Variants in ENDOD1 observed in about 807,000 individuals in gnomAD.
ENDOD1 encodes the protein endonuclease domain containing 1.
Under a neutral mutation model 6.5 loss-of-function variants are expected in ENDOD1, and 9 were observed. That is an observed-to-expected ratio of 1.39 (90% CI 0.84 to 2.43). The LOEUF is 2.43. Among genes scored for constraint, ENDOD1 ranks in the 30% most tolerant of loss-of-function variants. ENDOD1 has a pLI of 0.00. For synonymous variants in ENDOD1, 255 were observed against 255.2 expected (o/e 1.00, Z 0.01); for missense variants, 648 against 635.5 (o/e 1.02, Z -0.21).
intron 1 of ENDOD1, among the ~76,000 whole-genome samples, chr11:95,109,327 C>G (rs184000051): frequency 6.6e-6 from 1 of 152,180 alleles, no homozygotes; most frequent in Non-Finnish European, 1.5e-5. Context: ...TCAGGACCAC[C>G]TTTTCCTTGC....
chr11:95,092,699 A>G (rs571843708), intron 1 of ENDOD1, among the ~76,000 whole-genome samples: 3 of 152,210 alleles, frequency 2.0e-5, no homozygotes, highest in Non-Finnish European at 4.4e-5. Context: ...GAGTATTGGG[A>G]GAGAGGGAGG....
chr11:95,109,647 T>TTG (rs1859127310), intron 1 of ENDOD1, among the ~76,000 whole-genome samples: 2 of 152,254 alleles, frequency 1.3e-5, no homozygotes, highest in Non-Finnish European at 2.9e-5. Flanking sequence ...GGCTGCCCAC[T>TTG]TGTGTCCCAC....
At chr11:95,103,793 C>A (rs1859064104) in intron 1 of ENDOD1, among the ~76,000 whole-genome samples, 1 of 152,208 alleles carries the variant, frequency 6.6e-6, no homozygotes, top group South Asian at 2.1e-4. Flanking sequence ...AGTTAAGATT[C>A]AGGGAGACAA....
intron 1 of ENDOD1, among the ~76,000 whole-genome samples, chr11:95,124,005 A>T (rs1859287680): frequency 6.6e-6 from 1 of 152,168 alleles, no homozygotes; most frequent in Non-Finnish European, 1.5e-5. Context: ...AGAAATTGCA[A>T]AGTACTTAAC....
chr11:95,107,868 C>T (rs1394193104), intron 1 of ENDOD1, among the ~76,000 whole-genome samples: 3 of 152,068 alleles, frequency 2.0e-5, no homozygotes, highest in Non-Finnish European at 4.4e-5. Context: ...TAGTAGAGAC[C>T]GTGTTAGCCA....
chr11:95,101,570 TA>T (rs1330690855), intron 1 of ENDOD1, among the ~76,000 whole-genome samples: 1 of 152,234 alleles, frequency 6.6e-6, no homozygotes, highest in African/African-American at 2.4e-5. Flanking sequence ...AATTTTTTTT[TA>T]GCATTTCAGA....
At chr11:95,108,877 G>C (rs7109977) in intron 1 of ENDOD1, among the ~76,000 whole-genome samples, 1 of 152,006 alleles carries the variant, frequency 6.6e-6, no homozygotes, top group Non-Finnish European at 1.5e-5. Flanking sequence ...AGGACCTTTA[G>C]GCCCCTGTAG....
chr11:95,094,428 C>T (rs1238251493), intron 1 of ENDOD1, among the ~76,000 whole-genome samples: 1 of 152,114 alleles, frequency 6.6e-6, no homozygotes, highest in African/African-American at 2.4e-5. Context: ...ATTCTAATTT[C>T]TACTCCACTT....
intron 1 of ENDOD1, among the ~76,000 whole-genome samples, chr11:95,120,796 A>G (rs1226761290): frequency 6.6e-6 from 1 of 152,154 alleles, no homozygotes; most frequent in African/African-American, 2.4e-5. Flanking sequence ...TAAGGTCCAT[A>G]GCACTTTAGC....
intron 1 of ENDOD1, among the ~76,000 whole-genome samples, chr11:95,106,572 T>C (rs1380449734): frequency 4.6e-5 from 7 of 152,152 alleles, no homozygotes; most frequent in Admixed American, 1.3e-4. Context: ...AAAAGTAGAC[T>C]TCTCACTCCA....
rs759465806 is a variant in ENDOD1 at position 95,128,768 on chromosome 11, G to T, written c.692G>T (p.Gly231Val). The change falls in exon 2 of 2, where the codon GGC becomes GTC. Residue 231 changes from glycine (G) to valine (V), a missense_variant. Transcript: ENST00000278505. ...GCCTGTTGTGCTGTCCCTGGAGGAG[G>T]CTGGGCCATGGGCTTTGTCAAGCAC... ...LAACCAVPGG[G>V]WAMGFVKHTR... 7.4e-6 allele frequency: 12 copies of T among 1,614,214 alleles called. No individual in the cohort carries two copies. The Admixed American group carries it at 1.0e-4, about 13-fold the overall frequency.
rs1241315963 is a variant in ENDOD1 at position 95,129,113 on chromosome 11, T to C, written c.1037T>C (p.Ile346Thr). 2.5e-5 allele frequency: 41 copies of C among 1,614,038 alleles called. No homozygotes were observed. In the Admixed American group the frequency reaches 6.8e-4, roughly 27 times the overall value. ...CCATTCATCAAGCTTTTTCAATTAA[T>C]TTATTACCTTGTGGTAGCAATCCTG... Reference protein sequence around the residue: ...ATPFIKLFQLIYYLVVAILKN... With the variant: ...ATPFIKLFQLTYYLVVAILKN... The change falls in exon 2 of 2, where the codon ATT becomes ACT. Residue 346 changes from isoleucine (I) to threonine (T), a missense_variant. By Grantham distance (89) the Ile-to-Thr change is moderately conservative. Coordinates refer to ENST00000278505, the MANE Select transcript of ENDOD1 (RefSeq NM_015036.3).
intron 1 of ENDOD1, among the ~76,000 whole-genome samples, chr11:95,115,245 T>G (rs1859194191): frequency 6.6e-6 from 1 of 152,180 alleles, no homozygotes; most frequent in African/African-American, 2.4e-5. Flanking sequence ...TACTTTGATT[T>G]TTGGCTATTT....
Position 95,089,999 on chromosome 11 carries a change from G to C in ENDOD1, c.72G>C (p.Val24=). The change falls in exon 1 of 2, where the codon GTG becomes GTC. Residue 24 remains valine (V), a synonymous_variant. Coordinates refer to ENST00000278505, the MANE Select transcript of ENDOD1 (RefSeq NM_015036.3). The part of the protein sequence containing the change: ...ALAGLLEGRL[V]GEEEAGFGEC... ...CTGGGCTGCTGGAAGGCCGGCTCGTGGGCGAGGAGGAAGCCGGCTTTGGCG... is the reference window on the plus strand; with the variant it reads ...CTGGGCTGCTGGAAGGCCGGCTCGTCGGCGAGGAGGAAGCCGGCTTTGGCG... 6.4e-7 allele frequency: 1 copy of C among 1,566,826 alleles called. No individual in the cohort carries two copies. The highest frequency in any genetic ancestry group is 8.6e-7 in the Non-Finnish European group (1 of 1,158,406).
chr11:95,126,860 T>C (rs1219950117), intron 1 of ENDOD1, among the ~76,000 whole-genome samples: 1 of 152,030 alleles, frequency 6.6e-6, no homozygotes, highest in Non-Finnish European at 1.5e-5. Context: ...TTTTGAATTT[T>C]TTTTTTATAG....
At position 95,129,704 on chromosome 11, in the gene ENDOD1, GT is replaced by G. The variant is rs2078477275; in HGVS notation, c.*130del. On this transcript the variant is annotated 3_prime_UTR_variant, in exon 2 of 2. Coordinates refer to ENST00000278505, the MANE Select transcript of ENDOD1 (RefSeq NM_015036.3). ...TGGCCTTTGGTGGGGATGTCTGCTT[GT>G]TTTTGCAAAAGAAGATGGCAGAATT... 3 of 1,059,706 alleles carry G rather than the reference GT, an allele frequency of 2.8e-6. No homozygotes were observed. The highest frequency in any genetic ancestry group is 4.1e-6 in the Non-Finnish European group (3 of 737,682). The allele number at this position is 1,059,706 out of a possible 1,614,324, so 65.6% of individuals were successfully genotyped here.
chr11:95,092,837 A>G (rs759406449), intron 1 of ENDOD1, among the ~76,000 whole-genome samples: 7 of 152,308 alleles, frequency 4.6e-5, no homozygotes, highest in African/African-American at 1.4e-4. Flanking sequence ...TCAGGGCTCA[A>G]TGTGTACCCT....
Position 95,130,595 on chromosome 11 carries a change from T to C in ENDOD1, c.*1016T>C, listed in dbSNP as rs1473076052. 2.6e-5 allele frequency: 4 copies of C among 152,202 alleles called. No homozygotes were observed. Among genetic ancestry groups the C allele is most frequent in the African/African-American group, 9.6e-5 (4 of 41,452 alleles). 9.4% of individuals were successfully genotyped at this position (152,202 alleles called of 1,614,324 possible). ...AGCACAGTAAAAATACTCTGACTTA[T>C]GTCCCTAAATGGTTGTTTTGATACA... On this transcript the variant is annotated 3_prime_UTR_variant, in exon 2 of 2. Coordinates refer to ENST00000278505, the MANE Select transcript of ENDOD1 (RefSeq NM_015036.3).
At chr11:95,128,040 G>A (rs112401347) in intron 1 of ENDOD1, among the ~76,000 whole-genome samples, 1,927 of 152,314 alleles carry the variant, frequency 0.013, 31 homozygotes, top group Middle Eastern at 0.024. Context: ...GATTATAGGC[G>A]TGAGCCACCG....
Sources: allele counts gnomAD v4.1 joint callset (sites outside exome capture counted in the v4.1 genomes callset), GRCh38; gene constraint gnomAD v4.1.1; transcripts MANE v1.5; gene names NCBI Gene and HGNC (gene_info 2026-07-23, HGNC 2026-07-21).